Variants in FOCAD observed in about 807,000 individuals in gnomAD.
The protein encoded by FOCAD is focadhesin.
A neutral mutation model predicts 225.6 loss-of-function variants in FOCAD; 198 were observed. That is an observed-to-expected ratio of 0.88 (90% CI 0.78 to 0.99). FOCAD has a LOEUF of 0.99. Among genes scored for constraint, FOCAD ranks in the 50% least tolerant of loss-of-function variants. The pLI, the probability that FOCAD is intolerant of heterozygous loss-of-function variation, is 0.00. For missense variants in FOCAD, 2,713 were observed against 2,123.6 expected, an observed-to-expected ratio of 1.28 and a Z score of -5.46; for synonymous variants, 897 against 755.0, an observed-to-expected ratio of 1.19 and a Z score of -3.08.
chr9:20,982,983 A>G (rs1322206732), intron 39 of FOCAD, among the ~76,000 whole-genome samples: 2 of 152,244 alleles, frequency 1.3e-5, no homozygotes, highest in Non-Finnish European at 2.9e-5. Flanking sequence ...CCAATGGTCT[A>G]GAGAACTGTG....
intron 5 of FOCAD, among the ~76,000 whole-genome samples, chr9:20,741,863 A>G: frequency 6.6e-6 from 1 of 152,270 alleles, no homozygotes; most frequent in East Asian, 1.9e-4. Flanking sequence ...AGTTCAGGAT[A>G]GAAAATAATT....
At chr9:20,745,324 A>G (rs977954343) in intron 5 of FOCAD, among the ~76,000 whole-genome samples, 1 of 152,062 alleles carries the variant, frequency 6.6e-6, no homozygotes, top group African/African-American at 2.4e-5. Context: ...TCCTGAGCTC[A>G]AGCGATCCAC....
chr9:20,792,134 G>T (rs1360803446), intron 11 of FOCAD, among the ~76,000 whole-genome samples: 2 of 152,094 alleles, frequency 1.3e-5, no homozygotes, highest in Non-Finnish European at 2.9e-5. Context: ...TATTGTTTTG[G>T]AAATCAAGGC....
intron 16 of FOCAD, among the ~76,000 whole-genome samples, chr9:20,865,227 C>T (rs1829121312): frequency 1.3e-5 from 2 of 151,906 alleles, no homozygotes; most frequent in Admixed American, 1.3e-4. Flanking sequence ...AGCAAGAATC[C>T]AAGGAAATTA....
At chr9:20,689,958 TA>T (rs1822880164) in intron 1 of FOCAD, among the ~76,000 whole-genome samples, 1 of 152,256 alleles carries the variant, frequency 6.6e-6, no homozygotes, top group African/African-American at 2.4e-5. Context: ...TGCTTTGATG[TA>T]CCTTTTCCTG....
chr9:20,991,494 A>C (rs563643011), intron 42 of FOCAD, among the ~76,000 whole-genome samples: 2 of 152,204 alleles, frequency 1.3e-5, no homozygotes, highest in East Asian at 3.9e-4. Context: ...TGCTGCCCCA[A>C]ATTTTGTGCT....
rs199766743 is a variant in FOCAD, at chr9:20,699,525, A to G, written c.-33+15232A>G. ...GGGAGGCCCAGGTGGGTGGATCAGG[A>G]GGTTGGGAGATTGAGACCATCCTGG... On this transcript the variant is annotated intron_variant, in intron 1 of 43. Transcript: ENST00000338382. Among the ~76,000 whole-genome samples, 4 of 151,234 alleles carry G rather than the reference A, an allele frequency of 2.6e-5. No individual in the cohort carries two copies. In the East Asian group the frequency reaches 5.9e-4, roughly 22 times the overall value.
intron 11 of FOCAD, among the ~76,000 whole-genome samples, chr9:20,807,178 A>G (rs951378672): frequency 2.6e-5 from 4 of 152,214 alleles, no homozygotes; most frequent in African/African-American, 9.6e-5. Context: ...ATAGCTTTTT[A>G]AGTTCATTTC....
intron 26 of FOCAD, 109 bp downstream of exon 26, chr9:20,926,526 G>GT: frequency 1.4e-6 from 1 of 695,792 alleles, no homozygotes; most frequent in Non-Finnish European, 2.6e-6. Context: ...GCTCACGCCT[G>GT]TAATCCCAGC....
intron 7 of FOCAD, among the ~76,000 whole-genome samples, chr9:20,767,470 G>A (rs1340266350): frequency 1.1e-3 from 162 of 149,758 alleles, no homozygotes; most frequent in African/African-American, 2.9e-3. Context: ...ATTTCTCCAC[G>A]TCCTCTCCAG....
intron 2 of FOCAD, among the ~76,000 whole-genome samples, chr9:20,668,826 G>A (rs1003658600): frequency 1.3e-5 from 2 of 152,140 alleles, no homozygotes; most frequent in African/African-American, 4.8e-5. Context: ...CATTCTGGAC[G>A]GAAACAAAAT....
chr9:20,989,658 A>G (rs551061094), intron 41 of FOCAD, among the ~76,000 whole-genome samples: 1 of 152,348 alleles, frequency 6.6e-6, no homozygotes, highest in East Asian at 1.9e-4. Flanking sequence ...ATTTCTTAAA[A>G]CATTTTTTAA....
At chr9:20,665,384 T>A (rs1424450939) in intron 2 of FOCAD, among the ~76,000 whole-genome samples, 2 of 152,168 alleles carry the variant, frequency 1.3e-5, no homozygotes, top group African/African-American at 4.8e-5. Context: ...AAAGCCCAAC[T>A]CTTTATCTTT....
intron 1 of FOCAD, among the ~76,000 whole-genome samples, chr9:20,690,279 C>T (rs887155286): frequency 6.6e-6 from 1 of 152,204 alleles, no homozygotes; most frequent in African/African-American, 2.4e-5. Context: ...TCTCTCTGAA[C>T]ATTGCATTTC....
intron 2 of FOCAD, chr9:20,716,193 A>G (rs375890303): frequency 3.3e-5 from 15 of 459,580 alleles, no homozygotes; most frequent in African/African-American, 2.9e-4. Context: ...GGTTGGAGTC[A>G]TATCCTGCAG....
intron 35 of FOCAD, among the ~76,000 whole-genome samples, chr9:20,965,619 CACG>C (rs1302060268): frequency 6.6e-6 from 1 of 152,148 alleles, no homozygotes; most frequent in East Asian, 1.9e-4. Context: ...GTGGTGCCAT[CACG>C]ACTATTTCCA....
At position 20,926,432 on chromosome 9, in the gene FOCAD, T is replaced by A. The variant is rs772289907; in HGVS notation, c.3078+15T>A. The A allele has an allele frequency of 6.2e-6, 9 of 1,462,516 alleles. No homozygotes were observed. The South Asian group carries it at 1.0e-4, about 17-fold the overall frequency. The allele number at this position is 1,462,516 out of a possible 1,614,324, so 90.6% of individuals were successfully genotyped here. On this transcript the variant is annotated intron_variant, in intron 26 of 43. Transcript: ENST00000338382. Reference sequence around the variant, plus strand: ...GGTTTTATTATGTAAGTGCAAAAAATAAAAAATGATCAGAAAACTCAAGAA... The same window carrying A: ...GGTTTTATTATGTAAGTGCAAAAAAAAAAAAATGATCAGAAAACTCAAGAA...
At chr9:20,926,512 G>T (rs568103388) in intron 26 of FOCAD, 95 bp downstream of exon 26, 4 of 777,172 alleles carry the variant, frequency 5.1e-6, no homozygotes, top group Admixed American at 3.8e-5. Context: ...GGCCAGGCGC[G>T]GTGGCTCACG....
At chr9:20,927,027 T>C (rs1356359896) in intron 26 of FOCAD, among the ~76,000 whole-genome samples, 3 of 151,172 alleles carry the variant, frequency 2.0e-5, no homozygotes, top group African/African-American at 7.3e-5. Flanking sequence ...TAGACATATA[T>C]ATATATATAT....
Sources: allele counts gnomAD v4.1 joint callset (sites outside exome capture counted in the v4.1 genomes callset), GRCh38; gene constraint gnomAD v4.1.1; transcripts MANE v1.5; gene names NCBI Gene and HGNC (gene_info 2026-07-23, HGNC 2026-07-21).